Variants in TANC2 observed in about 807,000 individuals in gnomAD.
The protein encoded by TANC2 is tetratricopeptide repeat, ankyrin repeat and coiled-coil containing 2.
A neutral mutation model predicts 210.5 loss-of-function variants in TANC2; 26 were observed. That is an observed-to-expected ratio of 0.12 (90% CI 0.09 to 0.17). The LOEUF (loss-of-function observed/expected upper bound fraction) is 0.17. TANC2 is among the 10% of genes least tolerant of loss of function. TANC2 has a pLI of 1.00. For synonymous variants in TANC2, 931 were observed against 967.1 expected (o/e 0.96, Z 0.69); for missense variants, 2,129 against 2,608.9 (o/e 0.82, Z 4.01).
chr17:63,262,470 G>C (rs773792408), intron 8 of TANC2, among the ~76,000 whole-genome samples: 1 of 152,110 alleles, frequency 6.6e-6, no homozygotes, highest in Non-Finnish European at 1.5e-5. Flanking sequence ...GATTACAGGC[G>C]CAAGCCACCG....
At chr17:63,061,264 G>C (rs555821430) in intron 2 of TANC2, among the ~76,000 whole-genome samples, 14 of 152,004 alleles carry the variant, frequency 9.2e-5, no homozygotes, top group Non-Finnish European at 2.1e-4. Flanking sequence ...TTACTGGGGA[G>C]GGTGAGGCAG....
chr17:63,421,912 C>A lies in TANC2; in HGVS notation c.6182C>A (p.Ser2061Tyr). 1.9e-6 allele frequency: 3 copies of A among 1,613,652 alleles called. No individual in the cohort carries two copies. Among genetic ancestry groups the A allele is most frequent in the Middle Eastern group, 1.7e-4 (1 of 6,058 alleles). Residue 2061 changes from serine to tyrosine, a missense_variant, in exon 28 of 28, where the codon TCC becomes TAC. Physicochemically the swap from Ser to Tyr is moderately radical, Grantham distance 144. This residue lies in a region of TANC2 where 161 missense variants were observed against 178.6 expected (regional missense o/e 0.90). Coordinates refer to ENST00000689528, the Ensembl canonical transcript of TANC2. This position sits in a 1 kb window ranked among gnomAD's most constrained non-coding sequence, Gnocchi z 6.9. ...CGAGACTCTCGGCAAGGGCAGACAT[C>A]CCCTATCAAACCAAAGAGACCGTTC...
chr17:63,109,701 A>G (rs756587334), intron 4 of TANC2, among the ~76,000 whole-genome samples: 5 of 151,758 alleles, frequency 3.3e-5, no homozygotes, highest in Non-Finnish European at 7.3e-5. Flanking sequence ...CTTCACAGCA[A>G]ACTTAGTGGA....
rs71155970 is a variant in TANC2, at chr17:63,141,379, TAAAAAAAAAAAAAAAAAAAAAA to T, written c.323-9874_323-9853del. ...CAACATGCTAAAACCCCGTTTCTAC[TAAAAAAAAAAAAAAAAAAAAAA>T]AAAAAAAAAAAAAAAATTAGCCCGG... On this transcript the variant is annotated intron_variant, in intron 4 of 27. Transcript: ENST00000689528. Among the ~76,000 whole-genome samples the T allele has an allele frequency of 2.1e-3, 45 of 21,876 alleles. 1 individual carries two copies. The East Asian group carries it at 0.048, about 23-fold the overall frequency. The allele number at this position is 21,876 out of a possible 152,430, so 14.4% of individuals were successfully genotyped here.
At chr17:63,267,770 A>G (rs770111389) in exon 9 of TANC2, 2 of 1,612,786 alleles carry the variant, frequency 1.2e-6, no homozygotes, top group Admixed American at 3.3e-5. Flanking sequence ...CCCACTTGGA[A>G]GACCTTGCTT....
intron 11 of TANC2, among the ~76,000 whole-genome samples, chr17:63,322,195 T>C (rs1171286500): frequency 6.6e-6 from 1 of 152,144 alleles, no homozygotes; most frequent in Admixed American, 6.6e-5. Flanking sequence ...AAATATCTCC[T>C]GTGTAAACGG....
chr17:63,128,979 C>T (rs150140599), intron 4 of TANC2, among the ~76,000 whole-genome samples: 4 of 152,076 alleles, frequency 2.6e-5, no homozygotes, highest in African/African-American at 4.8e-5. Context: ...TACTTACGGA[C>T]GGTTTATAGA....
chr17:63,325,550 A>G (rs1324393942), intron 11 of TANC2, among the ~76,000 whole-genome samples: 1 of 152,092 alleles, frequency 6.6e-6, no homozygotes, highest in Non-Finnish European at 1.5e-5. Flanking sequence ...TATTATTATT[A>G]CTTGTTTAAT....
chr17:63,368,211 A>C (rs1567958720), intron 14 of TANC2, among the ~76,000 whole-genome samples: 1 of 152,238 alleles, frequency 6.6e-6, no homozygotes, highest in Non-Finnish European at 1.5e-5. Flanking sequence ...GGTACTAACC[A>C]ACATAGAACT....
At chr17:63,080,081 A>G (rs928054740) in intron 3 of TANC2, among the ~76,000 whole-genome samples, 6 of 152,116 alleles carry the variant, frequency 3.9e-5, no homozygotes, top group African/African-American at 7.2e-5. Flanking sequence ...TTATTTGTCT[A>G]TTGGGTCTCC....
At chr17:63,354,128 G>T (rs935161588) in intron 13 of TANC2, among the ~76,000 whole-genome samples, 3 of 152,092 alleles carry the variant, frequency 2.0e-5, no homozygotes, top group Non-Finnish European at 4.4e-5. Flanking sequence ...AAGTCCGTGG[G>T]TAGGTAAGAA....
chr17:63,262,153 AGTC>A (rs2043378121), intron 8 of TANC2, among the ~76,000 whole-genome samples: 1 of 152,208 alleles, frequency 6.6e-6, no homozygotes, highest in South Asian at 2.1e-4. Context: ...TAGCTGCTAT[AGTC>A]GTCATTTCTG....
intron 4 of TANC2, among the ~76,000 whole-genome samples, chr17:63,132,971 TTTTTTTG>T (rs2038968503): frequency 1.3e-5 from 2 of 152,102 alleles, no homozygotes; most frequent in African/African-American, 4.8e-5. Flanking sequence ...TAGCAGGGGT[TTTTTTTG>T]TTTTTTGTTT....
chr17:63,231,265 T>C (rs2042468988), intron 7 of TANC2, among the ~76,000 whole-genome samples: 1 of 152,186 alleles, frequency 6.6e-6, no homozygotes, highest in Non-Finnish European at 1.5e-5. Flanking sequence ...ACATTTAAGG[T>C]TAATATTGCT....
chr17:63,292,144 A>C (rs986682798), intron 9 of TANC2, among the ~76,000 whole-genome samples: 2 of 152,226 alleles, frequency 1.3e-5, no homozygotes, highest in Admixed American at 6.5e-5. Flanking sequence ...TACAGGAATG[A>C]GGTCTAGAAT....
chr17:63,237,449 G>A (rs893992496), intron 7 of TANC2, among the ~76,000 whole-genome samples: 1 of 152,058 alleles, frequency 6.6e-6, no homozygotes, highest in African/African-American at 2.4e-5. Flanking sequence ...TTCTTTGGCT[G>A]TGCAGAAGCT....
intron 2 of TANC2, among the ~76,000 whole-genome samples, chr17:63,061,025 G>A (rs992750947): frequency 6.6e-6 from 1 of 151,922 alleles, no homozygotes; most frequent in Non-Finnish European, 1.5e-5. Context: ...GACCAGGGTG[G>A]GCAGTGTAGC....
chr17:63,167,001 A>T lies in TANC2; in HGVS notation c.433+15621A>T, dbSNP rs376004496. 1.3e-4 allele frequency among the ~76,000 whole-genome samples: 20 copies of T among 152,240 alleles called. No homozygotes were observed. The East Asian group carries it at 1.9e-3, about 15-fold the overall frequency. On this transcript the variant is annotated intron_variant, in intron 5 of 27. Transcript: ENST00000689528. ...AGAGAATACAAGAAGGAAGGAAGGA[A>T]GGAGAGGGAAAAGAATTATGAATGG... is the stretch of plus-strand genomic sequence containing the variant.
intron 5 of TANC2, among the ~76,000 whole-genome samples, chr17:63,160,096 A>G (rs2039974598): frequency 1.3e-5 from 2 of 152,224 alleles, no homozygotes; most frequent in South Asian, 4.1e-4. Flanking sequence ...TCTTATAGGG[A>G]CACTAATCCT....
Sources: allele counts gnomAD v4.1 joint callset (sites outside exome capture counted in the v4.1 genomes callset), GRCh38; gene constraint gnomAD v4.1.1; regional missense constraint gnomAD v4.1.1; non-coding constraint Gnocchi (gnomAD v3.1); transcripts MANE v1.5; gene names NCBI Gene and HGNC (gene_info 2026-07-23, HGNC 2026-07-21).